The following CSNK1D variants were observed in gnomAD, a reference collection of about 807,000 sequenced individuals.
The protein encoded by CSNK1D is casein kinase I isoform delta.
Under a neutral mutation model 46.6 loss-of-function variants are expected in CSNK1D, and 16 were observed. That is an observed-to-expected ratio of 0.34 (90% CI 0.23 to 0.52). The LOEUF (loss-of-function observed/expected upper bound fraction) is 0.52, where lower values mean the gene tolerates loss of function less well. CSNK1D is among the 20% of genes least tolerant of loss of function. The probability of loss-of-function intolerance (pLI) is 0.95; values close to 1 mark genes in which losing one functional copy is unlikely to be tolerated. For missense variants in CSNK1D, 398 were observed against 578.4 expected (o/e 0.69, Z 3.20); for synonymous variants, 276 against 228.2 (o/e 1.21, Z -1.89).
Position 82,249,942 on chromosome 17 carries a change from G to A in CSNK1D, c.886-340C>T, listed in dbSNP as rs1242380008. On this transcript the variant is annotated intron_variant, in intron 6 of 8. Coordinates refer to ENST00000314028, the MANE Select transcript of CSNK1D (RefSeq NM_001893.6). This position sits in a 1 kb window ranked among gnomAD's most constrained non-coding sequence, Gnocchi z 6.7. ...CTCACTAACACGTGCAGAAAGAGGA[G>A]AGGGACAGGAACCATCGGAGGCCAA... The A allele has an allele frequency of 7.8e-7, 1 of 1,275,152 alleles. No homozygotes were observed. Among genetic ancestry groups the A allele is most frequent in the East Asian group, 4.0e-5 (1 of 24,702 alleles). 79.0% of individuals were successfully genotyped at this position (1,275,152 alleles called of 1,614,324 possible). A position where few individuals can be genotyped will look rare whatever the true frequency, so the allele number is the denominator to read the frequency against.
Position 82,252,568 on chromosome 17 carries a change from T to C in CSNK1D, c.602A>G (p.Tyr201Cys), listed in dbSNP as rs1176507941. Reference sequence around the variant, plus strand: ...GCCCAGGTTGAAGTACATTAGCACGTAGCCCAGAGACTCCAAGTCATCTCT... The same window carrying C: ...GCCCAGGTTGAAGTACATTAGCACGCAGCCCAGAGACTCCAAGTCATCTCT... ...SRRDDLESLG[Y>C]VLMYFNLGSL... The change falls in exon 5 of 9, where the codon TAC becomes TGC. Residue 201 changes from tyrosine (Y) to cysteine (C), a missense_variant. Transcript: ENST00000314028. The surrounding 1 kb of genome is among the most constrained non-coding windows in gnomAD (Gnocchi z 4.6). 1 of 1,613,996 alleles carries C rather than the reference T, an allele frequency of 6.2e-7. No individual in the cohort carries two copies. The highest frequency in any genetic ancestry group is 1.3e-5 in the African/African-American group (1 of 75,030).
intron 2 of CSNK1D, among the ~76,000 whole-genome samples, chr17:82,262,946 A>T (rs979897265): frequency 6.6e-6 from 1 of 152,204 alleles, no homozygotes; most frequent in African/African-American, 2.4e-5. Context: ...TTGGGAGGCC[A>T]AGGTGGGCAG....
At chr17:82,245,041 G>A (rs577919007) in intron 8 of CSNK1D, 20 of 671,248 alleles carry the variant, frequency 3.0e-5, no homozygotes, top group African/African-American at 5.4e-5. Context: ...GAAGGAGGAA[G>A]AGGCATGCAA....
At chr17:82,258,115 G>A (rs1031153996) in intron 2 of CSNK1D, among the ~76,000 whole-genome samples, 4 of 151,134 alleles carry the variant, frequency 2.6e-5, no homozygotes, top group Non-Finnish European at 5.9e-5. Context: ...GCTAAGGTGG[G>A]AGGATGGCTT....
chr17:82,250,275 G>C lies in CSNK1D; in HGVS notation c.886-673C>G. The C allele has an allele frequency of 8.6e-7, 1 of 1,161,672 alleles. No homozygotes were observed. Among genetic ancestry groups the C allele is most frequent in the South Asian group, 1.3e-5 (1 of 77,952 alleles). The allele number at this position is 1,161,672 out of a possible 1,614,324, so 72.0% of individuals were successfully genotyped here. On this transcript the variant is annotated intron_variant, in intron 6 of 8. Coordinates refer to ENST00000314028, the MANE Select transcript of CSNK1D (RefSeq NM_001893.6). The surrounding 1 kb of genome is among the most constrained non-coding windows in gnomAD (Gnocchi z 4.6). ...ACCCAGGTGCCACTTCTTCCTGCAA[G>C]TACAGCTCATTGGACACAGCCACGT...
In CSNK1D at chr17:82,243,485, C is replaced by T. The variant is rs933181536; in HGVS notation, c.*1296G>A. The T allele has an allele frequency of 7.1e-6, 7 of 985,422 alleles. No individual in the cohort carries two copies. The highest frequency in any genetic ancestry group is 3.5e-5 in the African/African-American group (2 of 57,242). 61.0% of individuals were successfully genotyped at this position (985,422 alleles called of 1,614,324 possible). A position where few individuals can be genotyped will look rare whatever the true frequency, so the allele number is the denominator to read the frequency against. On this transcript the variant is annotated 3_prime_UTR_variant, in exon 9 of 9. Coordinates refer to ENST00000314028, the MANE Select transcript of CSNK1D (RefSeq NM_001893.6). ...TGGAGCCTGGGGCAGCACCAGCTCA[C>T]GGAGGCCACCTGCCTTCTGGTGGGA...
At chr17:82,269,888 T>C (rs572387263) in intron 1 of CSNK1D, among the ~76,000 whole-genome samples, 3 of 152,398 alleles carry the variant, frequency 2.0e-5, no homozygotes, top group South Asian at 4.1e-4. Flanking sequence ...TTAAGGACAC[T>C]GGCTGTTTTC....
chr17:82,266,708 C>T (rs1366493480), intron 1 of CSNK1D: 1 of 152,646 alleles, frequency 6.6e-6, no homozygotes, highest in African/African-American at 2.4e-5. Flanking sequence ...GAAAAAGAAG[C>T]TGCACACAGT....
Position 82,273,156 on chromosome 17 carries a change from G to A in CSNK1D, c.76+150C>T. 1 of 696,880 alleles carries A rather than the reference G, an allele frequency of 1.4e-6. No individual in the cohort carries two copies. Among genetic ancestry groups the A allele is most frequent in the South Asian group, 1.8e-5 (1 of 56,552 alleles). The allele number at this position is 696,880 out of a possible 1,614,324, so 43.2% of individuals were successfully genotyped here. A position where few individuals can be genotyped will look rare whatever the true frequency, so the allele number is the denominator to read the frequency against. ...CCCCACCCCTGGCCGCGCTAGCCTAGTGGCCGTTGGGTTCTGGCCACGATC... is the reference window on the plus strand; with the variant it reads ...CCCCACCCCTGGCCGCGCTAGCCTAATGGCCGTTGGGTTCTGGCCACGATC... On this transcript the variant is annotated intron_variant, in intron 1 of 8. Transcript: ENST00000314028. The surrounding 1 kb of genome is among the most constrained non-coding windows in gnomAD (Gnocchi z 5.1).
At chr17:82,260,738 C>CGACTGATGTGACTGATGGTGTACT (rs2051317421) in intron 2 of CSNK1D, among the ~76,000 whole-genome samples, 2 of 115,188 alleles carry the variant, frequency 1.7e-5, no homozygotes, top group Admixed American at 8.7e-5. Context: ...GACGGTGTAC[C>CGACTGATGTGACTGATGGTGTACT]GACTGATGTG....
downstream of CSNK1D, chr17:82,239,364 C>T (rs944743247): frequency 6.2e-5 from 12 of 193,612 alleles, no homozygotes; most frequent in Non-Finnish European, 7.3e-5. Flanking sequence ...CCTCTCCAGC[C>T]CGTCCTACCC....
intron 1 of CSNK1D, among the ~76,000 whole-genome samples, chr17:82,270,284 A>G (rs2051585749): frequency 6.6e-6 from 1 of 152,184 alleles, no homozygotes; most frequent in Non-Finnish European, 1.5e-5. Flanking sequence ...GGGTCGGGGC[A>G]GGCAGGCCCA....
chr17:82,248,509 C>G lies in CSNK1D; in HGVS notation c.1197+366G>C. ...AATGAGGAAGAATGAGGAAGGCTCC[C>G]TCGGGCTGGGGGCACCCACAATGGG... On this transcript the variant is annotated intron_variant, in intron 8 of 8. Coordinates refer to ENST00000314028, the MANE Select transcript of CSNK1D (RefSeq NM_001893.6). The surrounding 1 kb of genome is among the most constrained non-coding windows in gnomAD (Gnocchi z 4.1). 1 of 1,112,820 alleles carries G rather than the reference C, an allele frequency of 9.0e-7. No homozygotes were observed. Among genetic ancestry groups the G allele is most frequent in the Admixed American group, 4.7e-5 (1 of 21,490 alleles). The allele number at this position is 1,112,820 out of a possible 1,614,324, so 68.9% of individuals were successfully genotyped here.
chr17:82,265,239 C>T (rs1442605915), intron 2 of CSNK1D: 4 of 270,926 alleles, frequency 1.5e-5, no homozygotes, highest in South Asian at 7.7e-5. Flanking sequence ...AGTGCAGTGG[C>T]GTGATCTCGG....
At chr17:82,241,748 TG>T (rs1439358062), downstream of CSNK1D, among the ~76,000 whole-genome samples, 1 of 152,190 alleles carries the variant, frequency 6.6e-6, no homozygotes, top group Admixed American at 6.5e-5. Flanking sequence ...CCAGCTCAGA[TG>T]CCCAGGGCAC....
Position 82,265,784 on chromosome 17 carries a change from G to A in CSNK1D, c.89C>T (p.Ala30Val), listed in dbSNP as rs11552084. ...CTTGATGGCAACCTCTTCTCCTGCA[G>A]CAATGTCCGTACCTTGGCAAAGAAA... ...FGDIYLGTDI[A>V]AGEEVAIKLE... Residue 30 changes from alanine (A) to valine (V), a missense_variant, in exon 2 of 9, where the codon GCT (alanine) becomes GTT (valine). Coordinates refer to ENST00000314028, the MANE Select transcript of CSNK1D (RefSeq NM_001893.6). 8.7e-6 allele frequency: 14 copies of A among 1,613,816 alleles called. No homozygotes were observed. In the Admixed American group the frequency reaches 1.8e-4, roughly 21 times the overall value.
intron 8 of CSNK1D, chr17:82,247,352 A>T: frequency 9.1e-6 from 9 of 985,458 alleles, no homozygotes; most frequent in Non-Finnish European, 1.1e-5. Flanking sequence ...GAGAAAAGGC[A>T]GCTGGACTCA....
Position 82,244,446 on chromosome 17 carries a change from T to A in CSNK1D, c.*335A>T. 1 of 1,306,606 alleles carries A rather than the reference T, an allele frequency of 7.7e-7. No individual in the cohort carries two copies. The highest frequency in any genetic ancestry group is 9.8e-7 in the Non-Finnish European group (1 of 1,019,524). 80.9% of individuals were successfully genotyped at this position (1,306,606 alleles called of 1,614,324 possible). The stretch of plus-strand genomic sequence containing the variant: ...CCAAGTAGAAGATTGGTAGTTACAG[T>A]GGAATCGTCAGGGAGTACAGGGCGG... On this transcript the variant is annotated 3_prime_UTR_variant, in exon 9 of 9. Transcript: ENST00000314028.
rs1032839409 is a variant in CSNK1D, at chr17:82,249,768, G to A, written c.886-166C>T. ...GCACGTTTCTCCTCATGGGATGACA[G>A]CATCATCCCCACAAGGGGTCAGAGC... On this transcript the variant is annotated intron_variant, in intron 6 of 8. Transcript: ENST00000314028. The surrounding 1 kb of genome is among the most constrained non-coding windows in gnomAD (Gnocchi z 6.7). The A allele has an allele frequency of 3.4e-6, 5 of 1,474,482 alleles. No individual in the cohort carries two copies. The highest frequency in any genetic ancestry group is 4.5e-6 in the Non-Finnish European group (5 of 1,114,280). 91.3% of individuals were successfully genotyped at this position (1,474,482 alleles called of 1,614,324 possible). A position where few individuals can be genotyped will look rare whatever the true frequency, so the allele number is the denominator to read the frequency against.
Sources: gnomAD v4.1 joint callset for allele counts (sites outside exome capture counted in the v4.1 genomes callset) on GRCh38, gnomAD v4.1.1 for gene constraint, Gnocchi (gnomAD v3.1) non-coding constraint, MANE v1.5 for transcripts, NCBI Gene and HGNC (gene_info 2026-07-23, HGNC 2026-07-21) for gene names.